ITGB6: variants seen among roughly 807,000 people sequenced by gnomAD.
The protein encoded by ITGB6 is integrin beta-6.
ITGB6 carries 80 observed loss-of-function variants against 84.5 expected under a neutral mutation model. The observed-to-expected ratio is 0.95, with a 90% CI of 0.79 to 1.14. The LOEUF (loss-of-function observed/expected upper bound fraction) is 1.14, where lower values mean the gene tolerates loss of function less well. Ranked by LOEUF, ITGB6 falls within the 50% of genes most tolerant of loss-of-function variation. ITGB6 has a pLI of 0.00. For missense variants in ITGB6, 1,006 were observed against 968.0 expected (o/e 1.04, Z -0.52); for synonymous variants, 383 against 354.9 (o/e 1.08, Z -0.89).
chr2:160,173,751 G>T (rs1376345746), intron 5 of ITGB6, among the ~76,000 whole-genome samples: 2 of 151,962 alleles, frequency 1.3e-5, no homozygotes, highest in African/African-American at 4.8e-5. Context: ...TTCCCAACAC[G>T]ACAATTTTCT....
rs575178319 is a variant in ITGB6 at position 160,112,850 on chromosome 2, C to G, written c.1982-651G>C. Among the ~76,000 whole-genome samples, 26 of 150,854 alleles carry G rather than the reference C, an allele frequency of 1.7e-4. 1 individual carries two copies. In the South Asian group the frequency reaches 5.3e-3, roughly 31 times the overall value. ...AAATCTTTTCCAAGTGGGAATTTTT[C>G]CTTATTGAGCTCATTCAAGAGGCAG... On this transcript the variant is annotated intron_variant, in intron 12 of 14. Transcript: ENST00000283249.
chr2:160,121,913 T>C (rs1227580695), intron 12 of ITGB6, among the ~76,000 whole-genome samples: 1 of 145,302 alleles, frequency 6.9e-6, no homozygotes, highest in East Asian at 2.0e-4. Context: ...TCCTGGGGAG[T>C]AAAATACTCC....
intron 7 of ITGB6, among the ~76,000 whole-genome samples, chr2:160,160,881 C>T (rs1684789195): frequency 6.6e-6 from 1 of 152,070 alleles, no homozygotes; most frequent in African/African-American, 2.4e-5. Flanking sequence ...CAGGAGTGCC[C>T]TTGTGCTGTG....
intron 10 of ITGB6, among the ~76,000 whole-genome samples, chr2:160,131,745 G>T (rs1042596352): frequency 3.3e-5 from 5 of 152,166 alleles, no homozygotes; most frequent in African/African-American, 1.2e-4. Flanking sequence ...AGTTTTCTGA[G>T]TCTAGCTAAA....
Position 160,105,938 on chromosome 2 carries a change from G to A in ITGB6, c.2268+1741C>T, listed in dbSNP as rs112080031. Among the ~76,000 whole-genome samples, 1,186 of 152,088 alleles carry A rather than the reference G, an allele frequency of 7.8e-3. 19 individuals carry two copies. The highest frequency in any genetic ancestry group is 0.028 in the African/African-American group (1,143 of 41,476). On this transcript the variant is annotated intron_variant, in intron 14 of 14. Transcript: ENST00000283249. ...TTAATTATGGAAAATACACACATTC[G>A]CAAAAAGAGGAAAGCTATATAACCA...
chr2:160,114,885 G>A (rs369404511), intron 12 of ITGB6, among the ~76,000 whole-genome samples: 10 of 152,346 alleles, frequency 6.6e-5, no homozygotes, highest in Non-Finnish European at 1.0e-4. Flanking sequence ...CTACGCCCAC[G>A]GAGTCTCGCT....
chr2:160,114,983 A>C (rs982277133), intron 12 of ITGB6, among the ~76,000 whole-genome samples: 14 of 152,226 alleles, frequency 9.2e-5, no homozygotes, highest in African/African-American at 3.4e-4. Flanking sequence ...TGATTAGGTA[A>C]ACAAAGCAGC....
rs750633028 is a variant in ITGB6 at position 160,112,184 on chromosome 2, C to A, written c.1997G>T (p.Gly666Val). 1.5e-5 allele frequency: 24 copies of A among 1,611,790 alleles called. No individual in the cohort carries two copies. The highest frequency in any genetic ancestry group is 2.0e-5 in the Non-Finnish European group (24 of 1,178,858). Reference sequence around the variant, plus strand: ...TCCTTGCAGAGAGCAGGAAACAGAACCATCCTTTGAGAAATCTGCAGATAA... The same window carrying A: ...TCCTTGCAGAGAGCAGGAAACAGAAACATCCTTTGAGAAATCTGCAGATAA... Reference protein sequence around the residue: ...ISEEEDFSKDGSVSCSLQGEN... With the variant: ...ISEEEDFSKDVSVSCSLQGEN... The change falls in exon 13 of 15, where the codon GGT (glycine) becomes GTT (valine). Residue 666 changes from glycine to valine, a missense_variant. By Grantham distance (109) the Gly-to-Val change is moderately radical. Transcript: ENST00000283249.
At chr2:160,164,748 C>T (rs1310333818) in intron 7 of ITGB6, among the ~76,000 whole-genome samples, 2 of 152,146 alleles carry the variant, frequency 1.3e-5, no homozygotes, top group East Asian at 3.9e-4. Context: ...CCTAATCAGG[C>T]ATCTCATTAA....
Position 160,172,589 on chromosome 2 carries a change from A to G in ITGB6, c.901T>C (p.Tyr301His), listed in dbSNP as rs1391345733. ...CACACCAAGACAGTTGACATGGAGT[A>G]TTCATTCTTGCTGTCCAAGTGACAG... ...GLCHLDSKNE[Y>H]SMSTVLEYPT... is the part of the protein sequence containing the mutation. Residue 301 changes from tyrosine (Y) to histidine (H), a missense_variant, in exon 6 of 15, where the codon TAC (tyrosine) becomes CAC (histidine). Physicochemically the swap from Tyr to His is moderately conservative, Grantham distance 83 (BLOSUM62 2). Transcript: ENST00000283249. 6.2e-7 allele frequency: 1 copy of G among 1,607,378 alleles called. No individual in the cohort carries two copies. Among genetic ancestry groups the G allele is most frequent in the South Asian group, 1.1e-5 (1 of 90,752 alleles).
chr2:160,191,316 C>A (rs930382954), intron 4 of ITGB6, among the ~76,000 whole-genome samples: 2 of 152,106 alleles, frequency 1.3e-5, no homozygotes, highest in Non-Finnish European at 2.9e-5. Flanking sequence ...TCCCTAATAA[C>A]AGAATGCTGA....
rs1006992413 is a variant in ITGB6, at chr2:160,100,777, A to G, written c.*959T>C. 2.6e-5 allele frequency: 4 copies of G among 152,100 alleles called. No homozygotes were observed. Among genetic ancestry groups the G allele is most frequent in the Non-Finnish European group, 5.9e-5 (4 of 68,002 alleles). The allele number at this position is 152,100 out of a possible 1,614,324, so 9.4% of individuals were successfully genotyped here. On this transcript the variant is annotated 3_prime_UTR_variant, in exon 15 of 15. Transcript: ENST00000283249. ...ATTAAAAAGCCTTTAAGACTTGTATACTCTTGATGTGCTTGATTTAGAGCC... is the reference window on the plus strand; with the variant it reads ...ATTAAAAAGCCTTTAAGACTTGTATGCTCTTGATGTGCTTGATTTAGAGCC...
chr2:160,137,730 T>C lies in ITGB6; in HGVS notation c.1364A>G (p.Asp455Gly). The C allele has an allele frequency of 6.2e-7, 1 of 1,614,202 alleles. No homozygotes were observed. The highest frequency in any genetic ancestry group is 8.5e-7 in the Non-Finnish European group (1 of 1,180,028). Residue 455 changes from aspartate (D) to glycine (G), a missense_variant, in exon 10 of 15, where the codon GAC (aspartate) becomes GGC (glycine). Coordinates refer to ENST00000283249, the MANE Select transcript of ITGB6 (RefSeq NM_000888.5). ...GTTCACTTCCACTTCTTTCTGACAGTCGCAGTTGCATTCTGGGCTGACAAG... is the reference window on the plus strand; with the variant it reads ...GTTCACTTCCACTTCTTTCTGACAGCCGCAGTTGCATTCTGGGCTGACAAG... Reference protein sequence around the residue: ...ELLVSPECNCDCQKEVEVNSS... With the variant: ...ELLVSPECNCGCQKEVEVNSS...
intron 7 of ITGB6, among the ~76,000 whole-genome samples, chr2:160,163,167 T>G (rs1197130541): frequency 1.3e-5 from 2 of 152,172 alleles, no homozygotes; most frequent in Non-Finnish European, 2.9e-5. Flanking sequence ...CTGTCTTTTT[T>G]CAAGTCTATG....
chr2:160,114,691 A>C (rs1682686639), intron 12 of ITGB6, among the ~76,000 whole-genome samples: 1 of 152,224 alleles, frequency 6.6e-6, no homozygotes, highest in East Asian at 1.9e-4. Context: ...CGCGAGCCAA[A>C]GCAGGGCGAG....
intron 4 of ITGB6, among the ~76,000 whole-genome samples, chr2:160,179,462 C>T (rs1489571031): frequency 6.8e-6 from 1 of 147,808 alleles, no homozygotes; most frequent in Admixed American, 6.8e-5. Context: ...CATCTCAGCT[C>T]ACTGCAACCT....
intron 10 of ITGB6, 67 bp from the exon 11 acceptor site, chr2:160,126,668 G>C: frequency 6.9e-7 from 1 of 1,441,340 alleles, no homozygotes; most frequent in Admixed American, 1.9e-5. Context: ...GGGGTGAGGG[G>C]CATCTTTTCT....
rs898728086 is a variant in ITGB6 at position 160,185,249 on chromosome 2, A to G, written c.593+10120T>C. On this transcript the variant is annotated intron_variant, in intron 4 of 14. Coordinates refer to ENST00000283249, the MANE Select transcript of ITGB6 (RefSeq NM_000888.5). ...GAAAACCCCATCATCTTAGCCCAAA[A>G]TCTCCTTAAGCTGATAAGCAACTTC... 1.2e-4 allele frequency among the ~76,000 whole-genome samples: 19 copies of G among 152,324 alleles called. No homozygotes were observed. In the East Asian group the frequency reaches 3.5e-3, roughly 28 times the overall value.
At chr2:160,108,870 T>C (rs1697011476) in intron 13 of ITGB6, among the ~76,000 whole-genome samples, 2 of 152,256 alleles carry the variant, frequency 1.3e-5, no homozygotes, top group South Asian at 4.1e-4. Flanking sequence ...CTAATAGTCC[T>C]TGCAATATGC....
Sources: allele counts gnomAD v4.1 joint callset (sites outside exome capture counted in the v4.1 genomes callset), GRCh38; gene constraint gnomAD v4.1.1; transcripts MANE v1.5; gene names NCBI Gene and HGNC (gene_info 2026-07-23, HGNC 2026-07-21).